PDE11A: variants seen among roughly 807,000 people sequenced by gnomAD.
The protein encoded by PDE11A is phosphodiesterase 11A, also known as dual 3',5'-cyclic-AMP and -GMP phosphodiesterase 11A.
A neutral mutation model predicts 100.5 loss-of-function variants in PDE11A; 100 were observed. The ratio of observed to expected loss-of-function variants is 1.00; its 90% CI spans 0.85 to 1.18. The LOEUF (loss-of-function observed/expected upper bound fraction) is 1.18. PDE11A is among the 50% of genes most tolerant of loss of function. The pLI is 0.00. For missense variants in PDE11A, 1,141 were observed against 1,152.6 expected, an observed-to-expected ratio of 0.99 and a Z score of 0.15; for synonymous variants, 381 against 420.8, an observed-to-expected ratio of 0.91 and a Z score of 1.16.
At chr2:177,893,094 C>T (rs995122359) in intron 4 of PDE11A, among the ~76,000 whole-genome samples, 1 of 152,122 alleles carries the variant, frequency 6.6e-6, no homozygotes, top group Admixed American at 6.5e-5. Flanking sequence ...GACTGACAAC[C>T]TCACATTTAT....
intron 2 of PDE11A, among the ~76,000 whole-genome samples, chr2:177,990,865 G>A (rs191420156): frequency 1.0e-4 from 15 of 149,992 alleles, no homozygotes; most frequent in Admixed American, 8.0e-4. Flanking sequence ...ACGGTGGTGC[G>A]CTCCTGCAGT....
intron 9 of PDE11A, among the ~76,000 whole-genome samples, chr2:177,799,061 C>A (rs909710071): frequency 6.6e-6 from 1 of 152,108 alleles, no homozygotes; most frequent in Non-Finnish European, 1.5e-5. Context: ...GCCTTCCTCC[C>A]CCAAACCCAT....
intron 4 of PDE11A, among the ~76,000 whole-genome samples, chr2:177,879,258 C>T (rs2084291600): frequency 6.6e-6 from 1 of 152,118 alleles, no homozygotes; most frequent in Non-Finnish European, 1.5e-5. Flanking sequence ...TGGTAGTAAC[C>T]ATTTTAAAAA....
intron 2 of PDE11A, among the ~76,000 whole-genome samples, chr2:178,090,173 G>T (rs2087404172): frequency 6.6e-6 from 1 of 152,048 alleles, no homozygotes; most frequent in African/African-American, 2.4e-5. Context: ...AGCTAAATTG[G>T]CACAGTATAA....
intron 16 of PDE11A, among the ~76,000 whole-genome samples, chr2:177,678,793 T>C (rs755246829): frequency 3.6e-4 from 55 of 152,054 alleles, no homozygotes; most frequent in African/African-American, 1.2e-3. Context: ...AAAATCTCTG[T>C]AGGAAAATAT....
At position 178,071,752 on chromosome 2, in the gene PDE11A, A is replaced by G; in HGVS notation, c.686T>C (p.Val229Ala). 1 of 1,614,118 alleles carries G rather than the reference A, an allele frequency of 6.2e-7. No homozygotes were observed. The highest frequency in any genetic ancestry group is 8.5e-7 in the Non-Finnish European group (1 of 1,179,948). The change falls in exon 1 of 20, where the codon GTC becomes GCC. Residue 229 changes from valine (V) to alanine (A), a missense_variant. Physicochemically the swap from Val to Ala is moderately conservative, Grantham distance 64. Transcript: ENST00000286063. ...TSLSYKILIF[V>A]CLMVDADRCS... ...GCGGTCAGCATCCACCATAAGGCAGACAAAGATGAGAATCTTGTAGCTCAG... is the reference window on the plus strand; with the variant it reads ...GCGGTCAGCATCCACCATAAGGCAGGCAAAGATGAGAATCTTGTAGCTCAG...
At chr2:178,068,972 CTTAAT>C (rs1484609600) in intron 1 of PDE11A, among the ~76,000 whole-genome samples, 2 of 152,090 alleles carry the variant, frequency 1.3e-5, no homozygotes, top group Non-Finnish European at 2.9e-5. Flanking sequence ...TTTCAAAATA[CTTAAT>C]TTAAGGGTGG....
At chr2:177,998,245 G>GTA in intron 2 of PDE11A, 1 of 832,668 alleles carries the variant, frequency 1.2e-6, no homozygotes, top group Non-Finnish European at 2.1e-6. Flanking sequence ...GATTCAGTTA[G>GTA]TATAAGCTCT....
chr2:177,654,984 G>C (rs1319931456), intron 19 of PDE11A, among the ~76,000 whole-genome samples: 1 of 152,140 alleles, frequency 6.6e-6, no homozygotes, highest in Non-Finnish European at 1.5e-5. Context: ...TCCAAGCCTT[G>C]TAAGGACTTG....
chr2:178,035,441 A>G (rs557950069), intron 1 of PDE11A, among the ~76,000 whole-genome samples: 1 of 152,374 alleles, frequency 6.6e-6, no homozygotes, highest in East Asian at 1.9e-4. Flanking sequence ...AAATTCTACC[A>G]GAGGTACAAA....
intron 9 of PDE11A, among the ~76,000 whole-genome samples, chr2:177,796,214 T>G (rs1237279010): frequency 6.6e-6 from 1 of 151,732 alleles, no homozygotes; most frequent in South Asian, 2.1e-4. Context: ...CTTGTGAGAG[T>G]TGGCCTGGGC....
In PDE11A at chr2:177,763,009, T is replaced by G. The variant is rs373434551; in HGVS notation, c.1788+6314A>C. On this transcript the variant is annotated intron_variant, in intron 10 of 19. Transcript: ENST00000286063. ...TCTTCAATACTCAAGAGTGACAAAG[T>G]ACAACCATCCTTTTTCTGATGTGGC... Among the ~76,000 whole-genome samples, 4 of 152,172 alleles carry G rather than the reference T, an allele frequency of 2.6e-5. No homozygotes were observed. The East Asian group carries it at 7.7e-4, about 29-fold the overall frequency.
intron 9 of PDE11A, among the ~76,000 whole-genome samples, chr2:177,794,547 C>G (rs2082678116): frequency 6.6e-6 from 1 of 152,128 alleles, no homozygotes; most frequent in Non-Finnish European, 1.5e-5. Flanking sequence ...ATTAAGGAGC[C>G]ATTTTCCTCC....
Position 177,821,175 on chromosome 2 carries a change from C to T in PDE11A, c.1501-880G>A, listed in dbSNP as rs543900699. 5.1e-4 allele frequency among the ~76,000 whole-genome samples: 77 copies of T among 152,014 alleles called. 1 individual carries two copies. Among genetic ancestry groups the T allele is most frequent in the Middle Eastern group, 6.8e-3 (2 of 294 alleles). ...ACACTTGAAACTAAAAGTTAATTTA[C>T]ATACCTAAATTTTATACTGGATTTT... On this transcript the variant is annotated intron_variant, in intron 6 of 19. Transcript: ENST00000286063.
At chr2:177,695,706 AG>A (rs2081101211) in intron 15 of PDE11A, among the ~76,000 whole-genome samples, 1 of 152,200 alleles carries the variant, frequency 6.6e-6, no homozygotes, top group Non-Finnish European at 1.5e-5. Flanking sequence ...AGGTAGAATA[AG>A]GGGAGTGACC....
chr2:177,658,669 T>C (rs759671449), intron 19 of PDE11A, among the ~76,000 whole-genome samples: 1 of 151,392 alleles, frequency 6.6e-6, no homozygotes, highest in Non-Finnish European at 1.5e-5. Context: ...ACAAGAATAC[T>C]AAAAGTCATA....
chr2:177,719,758 T>C (rs1410635696), intron 12 of PDE11A, among the ~76,000 whole-genome samples: 1 of 152,140 alleles, frequency 6.6e-6, no homozygotes, highest in East Asian at 1.9e-4. Context: ...TGTTGCAGGG[T>C]CACTCTCTGG....
At chr2:177,703,819 C>T (rs1205795120) in intron 13 of PDE11A, among the ~76,000 whole-genome samples, 1 of 152,126 alleles carries the variant, frequency 6.6e-6, no homozygotes, top group Non-Finnish European at 1.5e-5. Flanking sequence ...ACAAATACAC[C>T]ATGGCTTCTG....
intron 10 of PDE11A, among the ~76,000 whole-genome samples, chr2:177,741,870 T>A (rs549467948): frequency 3.3e-5 from 5 of 151,874 alleles, no homozygotes; most frequent in Non-Finnish European, 5.9e-5. Context: ...ATCCTATCTG[T>A]ACAGAAAAAA....
Sources: allele counts gnomAD v4.1 joint callset (sites outside exome capture counted in the v4.1 genomes callset), GRCh38; gene constraint gnomAD v4.1.1; transcripts MANE v1.5; gene names NCBI Gene and HGNC (gene_info 2026-07-23, HGNC 2026-07-21).